The following DPP6 variants were observed in gnomAD, a reference collection of about 807,000 sequenced individuals.
DPP6 encodes the protein A-type potassium channel modulatory protein DPP6.
In DPP6, 69 loss-of-function variants were observed where a neutral mutation model predicts 122.6. That is an observed-to-expected ratio of 0.56 (90% CI 0.46 to 0.69). The LOEUF is 0.69. DPP6 is among the 30% of genes least tolerant of loss of function. The probability of loss-of-function intolerance (pLI) is 0.00; values close to 1 mark genes in which losing one functional copy is unlikely to be tolerated. For missense variants in DPP6, 928 were observed against 1,116.9 expected, an observed-to-expected ratio of 0.83 and a Z score of 2.41; for synonymous variants, 418 against 433.1, an observed-to-expected ratio of 0.97 and a Z score of 0.43.
chr7:154,630,988 G>A (rs183592696), intron 5 of DPP6, among the ~76,000 whole-genome samples: 318 of 152,214 alleles, frequency 2.1e-3, no homozygotes, highest in Middle Eastern at 0.014. Context: ...CTAAAAAAAA[G>A]AATGTATTTC....
intron 1 of DPP6, among the ~76,000 whole-genome samples, chr7:154,027,353 T>C (rs551189813): frequency 1.3e-5 from 2 of 152,202 alleles, no homozygotes; most frequent in South Asian, 2.1e-4. Flanking sequence ...TTGCTTATTA[T>C]AGCCATCACT....
At position 154,624,640 on chromosome 7, in the gene DPP6, C is replaced by G. The variant is rs1834950494; in HGVS notation, c.628-13181C>G. Among the ~76,000 whole-genome samples, 1 of 152,154 alleles carries G rather than the reference C, an allele frequency of 6.6e-6. No individual in the cohort carries two copies. The highest frequency in any genetic ancestry group is 2.1e-4 in the South Asian group (1 of 4,824). ...AGGATGACCCCGTGGTGGTCAGGTACCTTGCTGCTCTGCACACAAACAATA... is the reference window on the plus strand; with the variant it reads ...AGGATGACCCCGTGGTGGTCAGGTAGCTTGCTGCTCTGCACACAAACAATA... On this transcript the variant is annotated intron_variant, in intron 5 of 25. Transcript: ENST00000377770. This position sits in a 1 kb window ranked among gnomAD's most constrained non-coding sequence, Gnocchi z 4.7.
intron 2 of DPP6, among the ~76,000 whole-genome samples, chr7:154,459,820 A>AAG (rs779887190): frequency 0.013 from 1,996 of 148,330 alleles, 8 homozygotes; most frequent in South Asian, 0.023. Flanking sequence ...AAAAAAAAAA[A>AAG]AAAAGAAAAG....
intron 7 of DPP6, among the ~76,000 whole-genome samples, chr7:154,709,191 C>T (rs1034858418): frequency 6.6e-6 from 1 of 152,146 alleles, no homozygotes; most frequent in Non-Finnish European, 1.5e-5. Context: ...TGAAATACAA[C>T]AAAGTTGATT....
At chr7:153,871,837 T>C in the DPP6 span, among the ~76,000 whole-genome samples, 1 of 152,210 alleles carries the variant, frequency 6.6e-6, no homozygotes, top group South Asian at 2.1e-4. Context: ...AGAGTCATTA[T>C]TCCATGGTTC....
chr7:154,302,899 C>T (rs1421449647), intron 1 of DPP6, among the ~76,000 whole-genome samples: 1 of 152,174 alleles, frequency 6.6e-6, no homozygotes, highest in African/African-American at 2.4e-5. Context: ...CCCATGGTCT[C>T]AGTGGGTTAG....
At chr7:153,988,386 T>G (rs2129040944) in intron 1 of DPP6, among the ~76,000 whole-genome samples, 1 of 152,028 alleles carries the variant, frequency 6.6e-6, no homozygotes, top group Admixed American at 6.5e-5. Context: ...TGTCCTCTGG[T>G]TTGCCTGCTG....
At chr7:154,261,402 G>T (rs1467689885) in intron 1 of DPP6, among the ~76,000 whole-genome samples, 1 of 152,160 alleles carries the variant, frequency 6.6e-6, no homozygotes, top group African/African-American at 2.4e-5. Flanking sequence ...GATGGATCAA[G>T]GACTTAAGTC....
At chr7:154,750,019 A>C (rs1433404730) in intron 8 of DPP6, among the ~76,000 whole-genome samples, 3 of 150,744 alleles carry the variant, frequency 2.0e-5, no homozygotes. Flanking sequence ...AGAGGGATGG[A>C]GGCTTTACTG....
intron 1 of DPP6, among the ~76,000 whole-genome samples, chr7:153,932,237 C>G (rs545153261): frequency 6.6e-6 from 1 of 151,938 alleles, no homozygotes; most frequent in Admixed American, 6.6e-5. Context: ...TCTCCTGCCT[C>G]GGCCTCCTGT....
chr7:154,256,108 T>A (rs1802642792), intron 1 of DPP6, among the ~76,000 whole-genome samples: 1 of 152,248 alleles, frequency 6.6e-6, no homozygotes, highest in South Asian at 2.1e-4. Flanking sequence ...AGGGAAGATA[T>A]ATTCCACTGT....
chr7:154,116,786 C>T (rs1369471632), intron 1 of DPP6, among the ~76,000 whole-genome samples: 3 of 152,178 alleles, frequency 2.0e-5, no homozygotes. Flanking sequence ...TCTCTTTTAT[C>T]AGAAGGTGAA....
At chr7:154,732,791 G>A (rs1406416651) in intron 8 of DPP6, among the ~76,000 whole-genome samples, 6 of 152,172 alleles carry the variant, frequency 3.9e-5, no homozygotes, top group African/African-American at 1.4e-4. Context: ...AGTTTGGCAC[G>A]GAAGCATTTC....
At chr7:153,904,412 G>C (rs1467548421) in intron 1 of DPP6, among the ~76,000 whole-genome samples, 2 of 152,118 alleles carry the variant, frequency 1.3e-5, no homozygotes, top group East Asian at 3.9e-4. Context: ...CATTTTCCCT[G>C]TTCTCAGCAC....
intron 1 of DPP6, among the ~76,000 whole-genome samples, chr7:153,958,740 C>CT (rs1795195489): frequency 6.6e-6 from 1 of 152,168 alleles, no homozygotes; most frequent in African/African-American, 2.4e-5. Context: ...AATCAGCTCT[C>CT]TTGGCTCCAA....
intron 1 of DPP6, among the ~76,000 whole-genome samples, chr7:154,248,279 A>T (rs2150890161): frequency 6.6e-6 from 1 of 152,294 alleles, no homozygotes; most frequent in Non-Finnish European, 1.5e-5. Context: ...TAAAGTGAAC[A>T]AGAAAGAAGG....
At chr7:153,818,144 A>C in the DPP6 span, among the ~76,000 whole-genome samples, 1 of 141,880 alleles carries the variant, frequency 7.0e-6, no homozygotes, top group East Asian at 2.0e-4. Flanking sequence ...CCAAATGGCC[A>C]ATGCATATAT....
intron 1 of DPP6, among the ~76,000 whole-genome samples, chr7:154,109,626 G>GT (rs201862613): frequency 2.0e-5 from 3 of 152,256 alleles, no homozygotes; most frequent in East Asian, 1.9e-4. Flanking sequence ...AATAATAATA[G>GT]TTTTTTTAAA....
chr7:154,063,117 GGGGGGAGGCACCCCCCACGAGA>G lies in DPP6; in HGVS notation c.243+10056_243+10077del, dbSNP rs1563158578. Among the ~76,000 whole-genome samples the G allele has an allele frequency of 1.3e-4, 15 of 112,310 alleles. 1 individual carries two copies. The highest frequency in any genetic ancestry group is 5.4e-4 in the Admixed American group (6 of 11,104). The allele number at this position is 112,310 out of a possible 152,430, so 73.7% of individuals were successfully genotyped here. ...CTGGCTGTTAGTACCCCCATCGCAG[GGGGGGAGGCACCCCCCACGAGA>G]GTGGGGACTGAGAGCTATCCCCTTT... On this transcript the variant is annotated intron_variant, in intron 1 of 25. Coordinates refer to ENST00000377770, the MANE Select transcript of DPP6 (RefSeq NM_130797.4).
Sources: allele counts gnomAD v4.1 joint callset (sites outside exome capture counted in the v4.1 genomes callset), GRCh38; gene constraint gnomAD v4.1.1; non-coding constraint Gnocchi (gnomAD v3.1); transcripts MANE v1.5; gene names NCBI Gene and HGNC (gene_info 2026-07-23, HGNC 2026-07-21).